The following CELF2 variants were observed in gnomAD, a reference collection of about 807,000 sequenced individuals.
CELF2 encodes CUG triplet repeat RNA-binding protein 2.
Under a neutral mutation model 62.6 loss-of-function variants are expected in CELF2, and 8 were observed. The observed-to-expected ratio is 0.13, with a 90% CI of 0.07 to 0.23. CELF2 has a LOEUF of 0.23. Among genes scored for constraint, CELF2 ranks in the 10% least tolerant of loss-of-function variants. The pLI, the probability that CELF2 is intolerant of heterozygous loss-of-function variation, is 1.00. For synonymous variants in CELF2, 258 were observed against 250.0 expected, an observed-to-expected ratio of 1.03 and a Z score of -0.30; for missense variants, 333 against 671.0, an observed-to-expected ratio of 0.50 and a Z score of 5.56.
At chr10:10,814,380 A>G (rs2056247563) in intron 1 of CELF2, among the ~76,000 whole-genome samples, 1 of 152,178 alleles carries the variant, frequency 6.6e-6, no homozygotes, top group Admixed American at 6.5e-5. Flanking sequence ...TGCTGTCTTC[A>G]TCGCCACAAA....
chr10:10,853,195 G>A (rs971934925), intron 1 of CELF2, among the ~76,000 whole-genome samples: 1 of 152,124 alleles, frequency 6.6e-6, no homozygotes, highest in Non-Finnish European at 1.5e-5. Flanking sequence ...TGGCCAGGTT[G>A]GTACTGAACT....
intron 1 of CELF2, among the ~76,000 whole-genome samples, chr10:11,114,201 G>C (rs77550078): frequency 0.013 from 1,924 of 152,216 alleles, 48 homozygotes; most frequent in African/African-American, 0.044. Context: ...CAAAGGGCCA[G>C]GTGCTCAGAA....
chr10:10,840,663 G>A (rs1009946659), intron 1 of CELF2, among the ~76,000 whole-genome samples: 7 of 151,456 alleles, frequency 4.6e-5, no homozygotes, highest in African/African-American at 1.5e-4. Context: ...TGTCTTTTTT[G>A]ATTCTTTCTC....
intron 1 of CELF2, among the ~76,000 whole-genome samples, chr10:11,060,423 G>A (rs2066444387): frequency 6.6e-6 from 1 of 152,168 alleles, no homozygotes; most frequent in Non-Finnish European, 1.5e-5. Flanking sequence ...CAGGAAAAGT[G>A]TAATTAGGGT....
rs397846553 is a variant in CELF2 at position 10,906,717 on chromosome 10, C to CTTT, written c.54-13229_54-13227dup. 9.0e-4 allele frequency among the ~76,000 whole-genome samples: 98 copies of CTTT among 109,260 alleles called. 4 individuals are homozygous for CTTT. The highest frequency in any genetic ancestry group is 4.6e-3 in the East Asian group (17 of 3,720). The allele number at this position is 109,260 out of a possible 152,430, so 71.7% of individuals were successfully genotyped here. A position where few individuals can be genotyped will look rare whatever the true frequency, so the allele number is the denominator to read the frequency against. The stretch of plus-strand genomic sequence containing the variant: ...ATACCTTTCTTTTTCTTTTTCTTTT[C>CTTT]TTTTTTTTTTTTTTTTTTTTGAAAC... On this transcript the variant is annotated intron_variant, in intron 1 of 13. Transcript: ENST00000636488.
At chr10:10,718,630 A>G in the CELF2 span, among the ~76,000 whole-genome samples, 2 of 151,702 alleles carry the variant, frequency 1.3e-5, no homozygotes, top group Admixed American at 1.3e-4. Context: ...TCTCAAAAAA[A>G]AAAAAAAAAA....
the CELF2 span, among the ~76,000 whole-genome samples, chr10:10,711,411 T>C: frequency 6.6e-6 from 1 of 152,268 alleles, no homozygotes; most frequent in South Asian, 2.1e-4. Flanking sequence ...GGTGTCAGGG[T>C]TGCATATCTG....
chr10:10,656,351 C>G, the CELF2 span, among the ~76,000 whole-genome samples: 2,590 of 143,324 alleles, frequency 0.018, 64 homozygotes, highest in African/African-American at 0.063. Flanking sequence ...TACCATTTGA[C>G]CCAGCCATCC....
chr10:11,119,725 A>T (rs1264299186), intron 1 of CELF2, among the ~76,000 whole-genome samples: 1 of 152,174 alleles, frequency 6.6e-6, no homozygotes, highest in East Asian at 1.9e-4. Flanking sequence ...CAAGTCGTAA[A>T]TGTACACATG....
the CELF2 span, among the ~76,000 whole-genome samples, chr10:10,779,955 G>T: frequency 6.6e-6 from 1 of 152,144 alleles, no homozygotes; most frequent in Non-Finnish European, 1.5e-5. Context: ...GAAAGGTTTG[G>T]GTGGGACTGG....
chr10:10,583,962 G>A, the CELF2 span, among the ~76,000 whole-genome samples: 433 of 152,164 alleles, frequency 2.8e-3, 6 homozygotes, highest in African/African-American at 9.8e-3. Context: ...GGATCCAAGC[G>A]GCAAATGAGT....
the CELF2 span, among the ~76,000 whole-genome samples, chr10:10,667,475 G>T: frequency 6.6e-6 from 1 of 152,192 alleles, no homozygotes; most frequent in South Asian, 2.1e-4. Context: ...AAGGCCACAG[G>T]AATAGCTGCC....
the CELF2 span, among the ~76,000 whole-genome samples, chr10:10,564,835 C>G: frequency 6.6e-6 from 1 of 151,944 alleles, no homozygotes; most frequent in African/African-American, 2.4e-5. Context: ...ACTCAAACTA[C>G]CTCCAGAAGA....
At chr10:10,754,701 G>A in the CELF2 span, among the ~76,000 whole-genome samples, 2 of 152,184 alleles carry the variant, frequency 1.3e-5, no homozygotes, top group Non-Finnish European at 2.9e-5. Context: ...CAGTAATGTG[G>A]TGCCAAAAAT....
At position 10,922,130 on chromosome 10, in the gene CELF2, G is replaced by T. The variant is rs184873707; in HGVS notation, c.89+2131G>T. Among the ~76,000 whole-genome samples, 307 of 150,858 alleles carry T rather than the reference G, an allele frequency of 2.0e-3. 4 individuals carry two copies. The highest frequency in any genetic ancestry group is 7.4e-3 in the African/African-American group (300 of 40,752). ...AGATTAATATTGCCAAAAAAAAACT[G>T]TTTACTGTGATCCAAATATTTAAAT... On this transcript the variant is annotated intron_variant, in intron 2 of 13. Transcript: ENST00000636488.
At chr10:11,151,274 C>T (rs914049242) in intron 1 of CELF2, among the ~76,000 whole-genome samples, 3 of 152,168 alleles carry the variant, frequency 2.0e-5, no homozygotes, top group Non-Finnish European at 4.4e-5. Flanking sequence ...ACCACTTTGG[C>T]CCCTATTAAA....
chr10:11,060,862 C>G (rs141953780), intron 1 of CELF2, among the ~76,000 whole-genome samples: 7 of 152,262 alleles, frequency 4.6e-5, no homozygotes, highest in Non-Finnish European at 7.3e-5. Flanking sequence ...GTGTCAGGAA[C>G]AGTTCCCATA....
chr10:11,073,367 G>A (rs574792784), intron 1 of CELF2, among the ~76,000 whole-genome samples: 5 of 152,230 alleles, frequency 3.3e-5, no homozygotes, highest in Admixed American at 2.6e-4. Flanking sequence ...TTCAGTTAAC[G>A]ATTTCTGGGA....
chr10:10,946,647 C>T (rs550943255), intron 2 of CELF2: 43 of 152,472 alleles, frequency 2.8e-4, no homozygotes, highest in African/African-American at 9.4e-4. Context: ...AATAAAGACT[C>T]ACATGGTGAC....
Sources: allele counts gnomAD v4.1 joint callset (sites outside exome capture counted in the v4.1 genomes callset), GRCh38; gene constraint gnomAD v4.1.1; transcripts MANE v1.5; gene names NCBI Gene and HGNC (gene_info 2026-07-23, HGNC 2026-07-21).